The following MYCT1 variants were observed in gnomAD, a reference collection of about 807,000 sequenced individuals.
MYCT1 encodes myc target protein 1.
MYCT1 carries 12 observed loss-of-function variants against 15.0 expected under a neutral mutation model. The observed-to-expected ratio is 0.80, with a 90% CI of 0.51 to 1.29. MYCT1 has a LOEUF of 1.29. Among genes scored for constraint, MYCT1 ranks in the 50% most tolerant of loss-of-function variants. MYCT1 has a pLI of 0.00. For synonymous variants in MYCT1, 104 were observed against 102.7 expected, an observed-to-expected ratio of 1.01 and a Z score of -0.07; for missense variants, 287 against 279.1, an observed-to-expected ratio of 1.03 and a Z score of -0.20.
At chr6:152,729,796 G>T in the MYCT1 span, among the ~76,000 whole-genome samples, 1 of 152,182 alleles carries the variant, frequency 6.6e-6, no homozygotes, top group Non-Finnish European at 1.5e-5. Flanking sequence ...GACCAAAAGG[G>T]TCTGAGGGAA....
chr6:152,718,137 G>C (rs373388783), intron 1 of MYCT1, among the ~76,000 whole-genome samples: 1 of 152,206 alleles, frequency 6.6e-6, no homozygotes, highest in East Asian at 1.9e-4. Context: ...AAATAGGTTT[G>C]TTGTCAAATT....
the MYCT1 span, among the ~76,000 whole-genome samples, chr6:152,740,349 C>A: frequency 0.072 from 10,988 of 152,038 alleles, 636 homozygotes; most frequent in East Asian, 0.17. Flanking sequence ...CGTACCAGGC[C>A]GGAAATATTA....
rs147994134 is a variant in MYCT1 at position 152,713,982 on chromosome 6, A to G, written c.197-7760A>G. 4.3e-3 allele frequency among the ~76,000 whole-genome samples: 657 copies of G among 152,108 alleles called. 6 individuals carry two copies. Among genetic ancestry groups the G allele is most frequent in the Middle Eastern group, 0.02 (6 of 294 alleles). On this transcript the variant is annotated intron_variant, in intron 1 of 1. Transcript: ENST00000367245. ...TAGCTACAAGCATTTGGTCATTCTT[A>G]AGGCCTTTAGGTAGAATTTTTTTTT...
chr6:152,746,705 A>G, the MYCT1 span, among the ~76,000 whole-genome samples: 3 of 152,184 alleles, frequency 2.0e-5, no homozygotes, highest in South Asian at 4.1e-4. Flanking sequence ...TGATTTCTCT[A>G]TACCCTTCTT....
chr6:152,716,586 T>C (rs1398175068), intron 1 of MYCT1, among the ~76,000 whole-genome samples: 1 of 152,152 alleles, frequency 6.6e-6, no homozygotes, highest in African/African-American at 2.4e-5. Flanking sequence ...TCATATTCAA[T>C]ATTACAATAT....
chr6:152,725,077 G>C (rs2099725405), downstream of MYCT1, among the ~76,000 whole-genome samples: 1 of 150,854 alleles, frequency 6.6e-6, no homozygotes, highest in Non-Finnish European at 1.5e-5. Context: ...AGAGCCAAAG[G>C]GATGAAATAA....
intron 1 of MYCT1, among the ~76,000 whole-genome samples, chr6:152,703,422 A>T (rs1050856921): frequency 6.6e-6 from 1 of 152,218 alleles, no homozygotes; most frequent in African/African-American, 2.4e-5. Flanking sequence ...ATATTTGAAG[A>T]ATTCTACAGT....
Position 152,703,304 on chromosome 6 carries a change from G to A in MYCT1, c.196+5206G>A, listed in dbSNP as rs1304694724. 2.6e-5 allele frequency among the ~76,000 whole-genome samples: 4 copies of A among 152,184 alleles called. No homozygotes were observed. In the East Asian group the frequency reaches 7.7e-4, roughly 29 times the overall value. On this transcript the variant is annotated intron_variant, in intron 1 of 1. Transcript: ENST00000367245. Reference sequence around the variant, plus strand: ...AGTGAAGGGAGTTTGTGTTTTCCAGGAATTTGACCATTTGAATTAAATTTC... The same window carrying A: ...AGTGAAGGGAGTTTGTGTTTTCCAGAAATTTGACCATTTGAATTAAATTTC...
Position 152,722,642 on chromosome 6 carries a change from A to G in MYCT1, c.*389A>G, listed in dbSNP as rs1364350132. 1 of 233,646 alleles carries G rather than the reference A, an allele frequency of 4.3e-6. No individual in the cohort carries two copies. The highest frequency in any genetic ancestry group is 2.3e-5 in the African/African-American group (1 of 43,736). The allele number at this position is 233,646 out of a possible 1,614,324, so 14.5% of individuals were successfully genotyped here. ...TGTGACTAAAAAGAGAAAAAAAATC[A>G]CTGTGTCACTTTAAAGAAAAATCTT... On this transcript the variant is annotated 3_prime_UTR_variant, in exon 2 of 2. Transcript: ENST00000367245.
downstream of MYCT1, among the ~76,000 whole-genome samples, chr6:152,726,469 C>T (rs113770873): frequency 0.013 from 2,011 of 151,652 alleles, 25 homozygotes; most frequent in Non-Finnish European, 0.019. Context: ...ATAGTTCTAC[C>T]CTCACCCAGG....
chr6:152,740,786 T>G, the MYCT1 span, among the ~76,000 whole-genome samples: 1 of 152,134 alleles, frequency 6.6e-6, no homozygotes, highest in African/African-American at 2.4e-5. Flanking sequence ...ATATAAAAAT[T>G]TACAGCGTAT....
At chr6:152,724,884 G>C (rs139743566), downstream of MYCT1, among the ~76,000 whole-genome samples, 94 of 151,796 alleles carry the variant, frequency 6.2e-4, 1 homozygote, top group Non-Finnish European at 4.1e-4. Flanking sequence ...GGAAGAATTA[G>C]TAAATTATTT....
intron 1 of MYCT1, among the ~76,000 whole-genome samples, chr6:152,698,309 T>C (rs1370027580): frequency 6.6e-6 from 1 of 151,580 alleles, no homozygotes; most frequent in Non-Finnish European, 1.5e-5. Context: ...TATTTATTTG[T>C]CTTTATAGTG....
At chr6:152,730,608 T>G in the MYCT1 span, among the ~76,000 whole-genome samples, 12 of 152,182 alleles carry the variant, frequency 7.9e-5, no homozygotes, top group African/African-American at 2.7e-4. Context: ...ATTTTGCGAG[T>G]GGGAAGCAAC....
chr6:152,736,555 T>C, the MYCT1 span, among the ~76,000 whole-genome samples: 1 of 152,124 alleles, frequency 6.6e-6, no homozygotes, highest in Non-Finnish European at 1.5e-5. Context: ...ATCCTGTAAA[T>C]TGTGTACATC....
intron 1 of MYCT1, among the ~76,000 whole-genome samples, chr6:152,716,792 A>G (rs1224056910): frequency 6.6e-6 from 1 of 152,166 alleles, no homozygotes; most frequent in Non-Finnish European, 1.5e-5. Context: ...ATAGCTGACC[A>G]ATGTTAGAGT....
chr6:152,738,217 A>G, the MYCT1 span, among the ~76,000 whole-genome samples: 2 of 152,096 alleles, frequency 1.3e-5, no homozygotes, highest in South Asian at 2.1e-4. Context: ...TATCATAGAC[A>G]TATATTTAAC....
intron 1 of MYCT1, among the ~76,000 whole-genome samples, chr6:152,707,577 C>T (rs2099722510): frequency 6.6e-6 from 1 of 151,884 alleles, no homozygotes; most frequent in African/African-American, 2.4e-5. Context: ...TTGCCCAGAT[C>T]AATATCAAGC....
At chr6:152,719,507 CT>C (rs1427001749) in intron 1 of MYCT1, among the ~76,000 whole-genome samples, 1 of 152,148 alleles carries the variant, frequency 6.6e-6, no homozygotes, top group African/African-American at 2.4e-5. Flanking sequence ...CTAGCATTTC[CT>C]TTATTGGGAT....
Sources: gnomAD v4.1 joint callset for allele counts (sites outside exome capture counted in the v4.1 genomes callset) on GRCh38, gnomAD v4.1.1 for gene constraint, MANE v1.5 for transcripts, NCBI Gene and HGNC (gene_info 2026-07-23, HGNC 2026-07-21) for gene names.